The following FBLN1 variants were observed in gnomAD, a reference collection of about 807,000 sequenced individuals.
FBLN1 encodes fibulin-1.
FBLN1 carries 34 observed loss-of-function variants against 89.7 expected under a neutral mutation model. That is an observed-to-expected ratio of 0.38 (90% confidence interval 0.29 to 0.50). The LOEUF is 0.50. FBLN1 is among the 20% of genes least tolerant of loss of function. FBLN1 has a pLI of 0.92. For missense variants in FBLN1, 777 were observed against 988.1 expected (o/e 0.79, Z 2.86); for synonymous variants, 393 against 391.3 (o/e 1.00, Z -0.05).
At chr22:45,525,050 C>T (rs2088302190) in intron 2 of FBLN1, among the ~76,000 whole-genome samples, 1 of 151,602 alleles carries the variant, frequency 6.6e-6, no homozygotes, top group African/African-American at 2.4e-5. Context: ...CACTACTACA[C>T]TCCAGCCTAA....
Position 45,502,931 on chromosome 22 carries a change from A to G in FBLN1, c.-55A>G. ...AGCGTGGAGCCCGCGCCGCTGCCCCAGGACCGCGCCCGCGCCTTTGTCCGC... is the reference window on the plus strand; with the variant it reads ...AGCGTGGAGCCCGCGCCGCTGCCCCGGGACCGCGCCCGCGCCTTTGTCCGC... On this transcript the variant is annotated 5_prime_UTR_variant, in exon 1 of 17. Transcript: ENST00000327858. 2 of 810,104 alleles carry G rather than the reference A, an allele frequency of 2.5e-6. No individual in the cohort carries two copies. The highest frequency in any genetic ancestry group is 3.0e-6 in the Non-Finnish European group (2 of 657,336). 50.2% of individuals were successfully genotyped at this position (810,104 alleles called of 1,614,324 possible). A position where few individuals can be genotyped will look rare whatever the true frequency, so the allele number is the denominator to read the frequency against.
chr22:45,532,805 C>T lies in FBLN1; in HGVS notation c.545-258C>T. ...TTCGCCCCTTCCAGGTCCACCCCAGCCTACAAAGGGCACCCTGCACACCAC... is the reference window on the plus strand; with the variant it reads ...TTCGCCCCTTCCAGGTCCACCCCAGTCTACAAAGGGCACCCTGCACACCAC... On this transcript the variant is annotated intron_variant, in intron 5 of 16. Transcript: ENST00000327858. The surrounding 1 kb of genome is among the most constrained non-coding windows in gnomAD (Gnocchi z 4.2). The T allele has an allele frequency of 1.8e-6, 1 of 567,352 alleles. No homozygotes were observed. The allele number at this position is 567,352 out of a possible 1,614,324, so 35.1% of individuals were successfully genotyped here.
At chr22:45,582,414 C>T (rs1471017964) in intron 16 of FBLN1, among the ~76,000 whole-genome samples, 2 of 152,210 alleles carry the variant, frequency 1.3e-5, no homozygotes, top group Non-Finnish European at 2.9e-5. Context: ...AGATGAAGTT[C>T]AGATGTCACC....
Position 45,533,183 on chromosome 22 carries a change from G to C in FBLN1, c.646+19G>C. The C allele has an allele frequency of 6.2e-7, 1 of 1,605,890 alleles. No homozygotes were observed. ...TGTGAAGGTAATGTCCCTATCCCAG[G>C]TGCCAGCAGGACTGGCCGGTCACTG... On this transcript the variant is annotated intron_variant, in intron 6 of 16. Coordinates refer to ENST00000327858, the MANE Select transcript of FBLN1 (RefSeq NM_006486.3).
rs1348550247 is a variant in FBLN1, at chr22:45,530,178, T to C, written c.485-1087T>C. On this transcript the variant is annotated intron_variant, in intron 4 of 16. Transcript: ENST00000327858. The surrounding 1 kb of genome is among the most constrained non-coding windows in gnomAD (Gnocchi z 5.4). ...GGGATTGGGGCCGCATTCTGCCTCA[T>C]TCCTTGGCTTTTGAAATCAGAGACG... 6.6e-6 allele frequency among the ~76,000 whole-genome samples: 1 copy of C among 152,012 alleles called. No homozygotes were observed. The highest frequency in any genetic ancestry group is 1.5e-5 in the Non-Finnish European group (1 of 68,008).
At chr22:45,511,214 G>A (rs1225276371) in intron 1 of FBLN1, among the ~76,000 whole-genome samples, 1 of 151,214 alleles carries the variant, frequency 6.6e-6, no homozygotes, top group East Asian at 1.9e-4. Flanking sequence ...GAGTGCAATG[G>A]CATGATCTCA....
Position 45,550,909 on chromosome 22 carries a change from C to G in FBLN1, c.1697+294C>G, listed in dbSNP as rs2054570662. 1 of 480,722 alleles carries G rather than the reference C, an allele frequency of 2.1e-6. No homozygotes were observed. Among genetic ancestry groups the G allele is most frequent in the South Asian group, 2.1e-5 (1 of 47,840 alleles). The allele number at this position is 480,722 out of a possible 1,614,324, so 29.8% of individuals were successfully genotyped here. On this transcript the variant is annotated intron_variant, in intron 14 of 16. Transcript: ENST00000327858. This position sits in a 1 kb window ranked among gnomAD's most constrained non-coding sequence, Gnocchi z 8.4. ...GCCCTCTTTTTTCCTAGGGTGGAAG[C>G]CTTGGGCAAGCTCTCTGGGCCTCAG...
At chr22:45,564,863 C>T in intron 14 of FBLN1, 2 of 1,613,460 alleles carry the variant, frequency 1.2e-6, no homozygotes, top group South Asian at 1.1e-5. Flanking sequence ...GGCTGTGACA[C>T]TGTGCTGACA....
chr22:45,599,111 A>C (rs1601551158), intron 16 of FBLN1, among the ~76,000 whole-genome samples: 1 of 152,192 alleles, frequency 6.6e-6, no homozygotes, highest in East Asian at 1.9e-4. Flanking sequence ...TGGAATCTGC[A>C]GAATGCCTGG....
At chr22:45,595,018 G>C (rs1456466808) in intron 16 of FBLN1, among the ~76,000 whole-genome samples, 1 of 152,184 alleles carries the variant, frequency 6.6e-6, no homozygotes, top group Non-Finnish European at 1.5e-5. Flanking sequence ...CAGCTGAACT[G>C]TTAAGGTCCT....
At chr22:45,569,119 G>A (rs2088929135) in intron 14 of FBLN1, among the ~76,000 whole-genome samples, 1 of 152,140 alleles carries the variant, frequency 6.6e-6, no homozygotes, top group African/African-American at 2.4e-5. Flanking sequence ...GAGGTACTGG[G>A]GATGGAACTT....
intron 1 of FBLN1, among the ~76,000 whole-genome samples, chr22:45,518,117 G>C (rs1197785823): frequency 1.6e-5 from 2 of 125,946 alleles, no homozygotes; most frequent in Non-Finnish European, 3.2e-5. Context: ...GGGCGACAGA[G>C]ACTCTGTCTC....
intron 1 of FBLN1, among the ~76,000 whole-genome samples, chr22:45,517,066 T>C (rs898309044): frequency 5.1e-4 from 78 of 152,314 alleles, no homozygotes; most frequent in African/African-American, 1.8e-3. Context: ...GATAGGGTGG[T>C]TTAGCAAGGT....
Position 45,575,017 on chromosome 22 carries a change from CA to C in FBLN1, c.1840+365del, listed in dbSNP as rs2088984010. Among the ~76,000 whole-genome samples, 1 of 152,078 alleles carries C rather than the reference CA, an allele frequency of 6.6e-6. No homozygotes were observed. Among genetic ancestry groups the C allele is most frequent in the Non-Finnish European group, 1.5e-5 (1 of 68,008 alleles). On this transcript the variant is annotated intron_variant, in intron 15 of 16. Transcript: ENST00000327858. This position sits in a 1 kb window ranked among gnomAD's most constrained non-coding sequence, Gnocchi z 6.3. ...CAGGATGGTCTCAATCTCCTGACCT[CA>C]TGATCCACCCGCCTCAGCCTCCCAA...
chr22:45,506,060 T>C (rs136716), intron 1 of FBLN1, among the ~76,000 whole-genome samples: 107,362 of 152,194 alleles, frequency 0.71, 37,858 homozygotes, highest in Middle Eastern at 0.83. Context: ...TGAGCCACCG[T>C]GCCGGCTGGC....
Position 45,539,373 on chromosome 22 carries a change from G to A in FBLN1, c.923-1856G>A, listed in dbSNP as rs563650326. 1.3e-4 allele frequency among the ~76,000 whole-genome samples: 20 copies of A among 151,720 alleles called. No homozygotes were observed. In the South Asian group the frequency reaches 1.9e-3, roughly 14 times the overall value. ...CCACAACCATGCCTGGCTAATTTTT[G>A]TATTTTCAGTAGAGATGGGGTTTTG... On this transcript the variant is annotated intron_variant, in intron 8 of 16. Coordinates refer to ENST00000327858, the MANE Select transcript of FBLN1 (RefSeq NM_006486.3).
Position 45,502,916 on chromosome 22 carries a change from C to T in FBLN1, c.-70C>T. 2 of 612,172 alleles carry T rather than the reference C, an allele frequency of 3.3e-6. No individual in the cohort carries two copies. Among genetic ancestry groups the T allele is most frequent in the Non-Finnish European group, 4.2e-6 (2 of 481,048 alleles). The allele number at this position is 612,172 out of a possible 1,614,324, so 37.9% of individuals were successfully genotyped here. A position where few individuals can be genotyped will look rare whatever the true frequency, so the allele number is the denominator to read the frequency against. ...CCGAGGCTCGGCCGGAGCGTGGAGCCCGCGCCGCTGCCCCAGGACCGCGCC... is the reference window on the plus strand; with the variant it reads ...CCGAGGCTCGGCCGGAGCGTGGAGCTCGCGCCGCTGCCCCAGGACCGCGCC... On this transcript the variant is annotated 5_prime_UTR_variant, in exon 1 of 17. Coordinates refer to ENST00000327858, the MANE Select transcript of FBLN1 (RefSeq NM_006486.3).
chr22:45,513,114 C>G (rs1366266369), intron 1 of FBLN1, among the ~76,000 whole-genome samples: 2 of 152,170 alleles, frequency 1.3e-5, no homozygotes, highest in African/African-American at 4.8e-5. Context: ...ATTCGCTTGA[C>G]ACTGTTCAGA....
At chr22:45,586,484 C>A (rs901777451) in intron 16 of FBLN1, among the ~76,000 whole-genome samples, 1 of 152,200 alleles carries the variant, frequency 6.6e-6, no homozygotes, top group African/African-American at 2.4e-5. Flanking sequence ...GCGGTGTCAC[C>A]GTGGACGGGA....
Sources: gnomAD v4.1 joint callset for allele counts (sites outside exome capture counted in the v4.1 genomes callset) on GRCh38, gnomAD v4.1.1 for gene constraint, Gnocchi (gnomAD v3.1) non-coding constraint, MANE v1.5 for transcripts, NCBI Gene and HGNC (gene_info 2026-07-23, HGNC 2026-07-21) for gene names.